CRIM1: variants seen among roughly 807,000 people sequenced by gnomAD.
CRIM1 encodes cysteine-rich motor neuron 1 protein.
CRIM1 carries 32 observed loss-of-function variants against 116.4 expected under a neutral mutation model. That is an observed-to-expected ratio of 0.27 (90% CI 0.21 to 0.37). The LOEUF (loss-of-function observed/expected upper bound fraction) is 0.37, where lower values mean the gene tolerates loss of function less well. Among genes scored for constraint, CRIM1 ranks in the 10% least tolerant of loss-of-function variants. The probability of loss-of-function intolerance (pLI) is 1.00; values close to 1 mark genes in which losing one functional copy is unlikely to be tolerated. For missense variants in CRIM1, 1,331 were observed against 1,354.8 expected, an observed-to-expected ratio of 0.98 and a Z score of 0.28; for synonymous variants, 590 against 509.2, an observed-to-expected ratio of 1.16 and a Z score of -2.13.
intron 1 of CRIM1, among the ~76,000 whole-genome samples, chr2:36,366,835 C>T (rs1669637242): frequency 6.6e-6 from 1 of 152,114 alleles, no homozygotes; most frequent in Admixed American, 6.5e-5. Context: ...AAAGACCTGC[C>T]AAAATAAGGC....
chr2:36,400,358 T>TG (rs79027873), intron 2 of CRIM1, among the ~76,000 whole-genome samples: 73,587 of 151,734 alleles, frequency 0.48, 18,542 homozygotes, highest in East Asian at 0.77. Flanking sequence ...ACAACATCAC[T>TG]GGGGGTGGGA....
At chr2:36,509,194 T>TA (rs2125104914) in intron 8 of CRIM1, among the ~76,000 whole-genome samples, 1 of 152,218 alleles carries the variant, frequency 6.6e-6, no homozygotes, top group African/African-American at 2.4e-5. Flanking sequence ...CTAACACCCA[T>TA]AAAAGTAGTT....
chr2:36,486,722 A>T (rs1679845295), intron 7 of CRIM1, among the ~76,000 whole-genome samples: 1 of 152,182 alleles, frequency 6.6e-6, no homozygotes, highest in Non-Finnish European at 1.5e-5. Flanking sequence ...CAATAATTGC[A>T]TCTAATAGAT....
At chr2:36,409,118 A>G (rs368216311) in intron 2 of CRIM1, among the ~76,000 whole-genome samples, 12 of 152,314 alleles carry the variant, frequency 7.9e-5, no homozygotes, top group African/African-American at 2.9e-4. Flanking sequence ...ACGTAAAAAT[A>G]TACCACTAAG....
intron 1 of CRIM1, among the ~76,000 whole-genome samples, chr2:36,381,306 G>T (rs143141851): frequency 4.6e-5 from 7 of 152,208 alleles, no homozygotes; most frequent in East Asian, 1.9e-4. Flanking sequence ...TGCCCAGCGC[G>T]GCCCCACAGG....
chr2:36,468,941 T>G (rs1678268128), intron 5 of CRIM1, among the ~76,000 whole-genome samples: 1 of 152,252 alleles, frequency 6.6e-6, no homozygotes, highest in South Asian at 2.1e-4. Flanking sequence ...GCTGACTCTG[T>G]CTGTATGACC....
intron 1 of CRIM1, among the ~76,000 whole-genome samples, chr2:36,374,624 A>G (rs930094694): frequency 6.6e-6 from 1 of 152,086 alleles, no homozygotes; most frequent in Non-Finnish European, 1.5e-5. Context: ...CTGCAGTGTT[A>G]CTCCTCATTT....
intron 5 of CRIM1, among the ~76,000 whole-genome samples, chr2:36,466,957 C>A (rs1313223168): frequency 6.6e-6 from 1 of 152,176 alleles, no homozygotes; most frequent in Non-Finnish European, 1.5e-5. Flanking sequence ...TGGGTCATTC[C>A]TTTCTTATCA....
chr2:36,454,761 C>T (rs1449952711), intron 4 of CRIM1, among the ~76,000 whole-genome samples: 2 of 151,956 alleles, frequency 1.3e-5, no homozygotes, highest in African/African-American at 4.8e-5. Flanking sequence ...TTGAGTTTAC[C>T]CTTTGGCATG....
chr2:36,407,165 T>G lies in CRIM1; in HGVS notation c.505+10378T>G, dbSNP rs191512990. Among the ~76,000 whole-genome samples, 74 of 152,016 alleles carry G rather than the reference T, an allele frequency of 4.9e-4. 1 individual carries two copies. The highest frequency in any genetic ancestry group is 3.9e-3 in the Admixed American group (60 of 15,294). On this transcript the variant is annotated intron_variant, in intron 2 of 16. Coordinates refer to ENST00000280527, the MANE Select transcript of CRIM1 (RefSeq NM_016441.3). The stretch of plus-strand genomic sequence containing the variant: ...ACTTTAAATTTTATCCCACTCTGTT[T>G]GTAAAGACAATCACAAATTGACAAT...
chr2:36,502,513 G>A (rs1681071749), intron 8 of CRIM1, among the ~76,000 whole-genome samples: 1 of 152,032 alleles, frequency 6.6e-6, no homozygotes, highest in Admixed American at 6.6e-5. Flanking sequence ...ACAGATAGCT[G>A]GCCTTCCTTC....
rs1667627171 is a variant in CRIM1, at chr2:36,549,874, A to G, written c.*1173A>G. ...ATACATATATATTTATACACATACA[A>G]TTTATGTTTTCCTGTTGAATGTATT... On this transcript the variant is annotated 3_prime_UTR_variant, in exon 17 of 17. Coordinates refer to ENST00000280527, the MANE Select transcript of CRIM1 (RefSeq NM_016441.3). 6.6e-6 allele frequency: 1 copy of G among 152,060 alleles called. No homozygotes were observed. The highest frequency in any genetic ancestry group is 6.6e-5 in the Admixed American group (1 of 15,202). The allele number at this position is 152,060 out of a possible 1,614,324, so 9.4% of individuals were successfully genotyped here. A position where few individuals can be genotyped will look rare whatever the true frequency, so the allele number is the denominator to read the frequency against.
chr2:36,429,901 G>C (rs994908421), intron 2 of CRIM1, among the ~76,000 whole-genome samples: 37 of 152,316 alleles, frequency 2.4e-4, no homozygotes, highest in Middle Eastern at 6.8e-3. Flanking sequence ...TGGGAGTCCT[G>C]GGATCAAAAA....
chr2:36,445,608 C>T (rs1272029574), intron 4 of CRIM1, among the ~76,000 whole-genome samples: 3 of 152,130 alleles, frequency 2.0e-5, no homozygotes, highest in African/African-American at 7.2e-5. Flanking sequence ...TTTTCTTTTC[C>T]TCTGTATGCA....
At chr2:36,539,147 G>A (rs969692816) in intron 14 of CRIM1, among the ~76,000 whole-genome samples, 1 of 152,150 alleles carries the variant, frequency 6.6e-6, no homozygotes, top group Non-Finnish European at 1.5e-5. Context: ...AGAGAGGCTG[G>A]GGAGAAGTGG....
rs1376372934 is a variant in CRIM1, at chr2:36,549,283, A to G, written c.*582A>G. The G allele has an allele frequency of 1.3e-5, 2 of 152,756 alleles. No homozygotes were observed. The highest frequency in any genetic ancestry group is 2.9e-5 in the Non-Finnish European group (2 of 68,126). The allele number at this position is 152,756 out of a possible 1,614,324, so 9.5% of individuals were successfully genotyped here. ...CCACAAGTTTCTTTTCTATACAGTC[A>G]CAACTGCAGTAGGCAGTGAGGAAGC... On this transcript the variant is annotated 3_prime_UTR_variant, in exon 17 of 17. Transcript: ENST00000280527.
intron 4 of CRIM1, among the ~76,000 whole-genome samples, chr2:36,450,859 A>G (rs1676660993): frequency 6.6e-6 from 1 of 152,214 alleles, no homozygotes; most frequent in African/African-American, 2.4e-5. Context: ...TTGCATTATG[A>G]TAATAGAATC....
chr2:36,371,408 C>G (rs954671577), intron 1 of CRIM1, among the ~76,000 whole-genome samples: 1 of 152,132 alleles, frequency 6.6e-6, no homozygotes, highest in African/African-American at 2.4e-5. Context: ...GCTTGGCACA[C>G]AGGAAGAACT....
intron 5 of CRIM1, among the ~76,000 whole-genome samples, chr2:36,467,866 T>C (rs1392616848): frequency 6.6e-6 from 1 of 152,234 alleles, no homozygotes; most frequent in Non-Finnish European, 1.5e-5. Context: ...ACTGTCTCTC[T>C]AATAGAGATT....
Sources: allele counts gnomAD v4.1 joint callset (sites outside exome capture counted in the v4.1 genomes callset), GRCh38; gene constraint gnomAD v4.1.1; transcripts MANE v1.5; gene names NCBI Gene and HGNC (gene_info 2026-07-23, HGNC 2026-07-21).